The following HDAC5 variants were observed in gnomAD, a reference collection of about 807,000 sequenced individuals.
The protein encoded by HDAC5 is histone deacetylase 5, also known as antigen NY-CO-9.
Under a neutral mutation model 133.3 loss-of-function variants are expected in HDAC5, and 25 were observed. That is an observed-to-expected ratio of 0.19 (90% CI 0.14 to 0.26). The LOEUF is 0.26. Among genes scored for constraint, HDAC5 ranks in the 10% least tolerant of loss-of-function variants. The pLI is 1.00. For synonymous variants in HDAC5, 589 were observed against 610.8 expected, an observed-to-expected ratio of 0.96 and a Z score of 0.53; for missense variants, 1,041 against 1,460.5, an observed-to-expected ratio of 0.71 and a Z score of 4.68.
chr17:44,111,595 A>T (rs769698463), intron 2 of HDAC5: 22 of 517,774 alleles, frequency 4.2e-5, no homozygotes, highest in Non-Finnish European at 6.5e-5. Context: ...GAACAGGTAA[A>T]GGAATTGGAA....
chr17:44,080,750 CCAGGAGCTGTACCTCTT>C lies in HDAC5; in HGVS notation c.2723_2727+12del. ...GGGCCAGGAGGGTCTGCATTTACGC[CCAGGAGCTGTACCTCTT>C]CAGGAGCCCCAGAGCCTGGAAAGAA... On this transcript the variant is annotated splice_donor_variant and splice_donor_5th_base_variant and coding_sequence_variant and intron_variant, in exon 21 of 27. Coordinates refer to ENST00000682912, the MANE Select transcript of HDAC5 (RefSeq NM_005474.5). LOFTEE classifies it high-confidence loss of function. 1 of 1,614,182 alleles carries C rather than the reference CCAGGAGCTGTACCTCTT, an allele frequency of 6.2e-7. No individual in the cohort carries two copies. Among genetic ancestry groups the C allele is most frequent in the Non-Finnish European group, 8.5e-7 (1 of 1,180,020 alleles).
At chr17:44,089,513 G>A (rs1448637451) in intron 11 of HDAC5, among the ~76,000 whole-genome samples, 1 of 152,172 alleles carries the variant, frequency 6.6e-6, no homozygotes, top group African/African-American at 2.4e-5. Flanking sequence ...GGGAGGCCAA[G>A]GCGGGTGGAC....
chr17:44,099,206 T>A (rs2051440376), intron 3 of HDAC5, among the ~76,000 whole-genome samples: 1 of 152,106 alleles, frequency 6.6e-6, no homozygotes, highest in Admixed American at 6.5e-5. Context: ...TGCCAGGACT[T>A]CACTCTGATG....
At chr17:44,116,434 A>G (rs1156653786) in intron 2 of HDAC5, among the ~76,000 whole-genome samples, 1 of 152,198 alleles carries the variant, frequency 6.6e-6, no homozygotes, top group East Asian at 1.9e-4. Flanking sequence ...CAAACCCTAC[A>G]GAAAGGATGA....
rs73308523 is a variant in HDAC5, at chr17:44,092,662, G to T, written c.772+14C>A. 5,543 of 1,526,688 alleles carry T rather than the reference G, an allele frequency of 3.6e-3. 173 individuals are homozygous for T. The African/African-American group carries it at 0.065, about 18-fold the overall frequency. The allele number at this position is 1,526,688 out of a possible 1,614,324, so 94.6% of individuals were successfully genotyped here. ...GAGCCATATTCTGGGAGGCCAGGTG[G>T]GGGACTCACTCACCTGTTTTGCGGA... On this transcript the variant is annotated intron_variant, in intron 7 of 26. Coordinates refer to ENST00000682912, the MANE Select transcript of HDAC5 (RefSeq NM_005474.5).
At chr17:44,086,993 G>A (rs2050685917) in intron 13 of HDAC5, among the ~76,000 whole-genome samples, 1 of 145,966 alleles carries the variant, frequency 6.9e-6, no homozygotes, top group Admixed American at 6.8e-5. Flanking sequence ...GGGCGGGGGC[G>A]GGGTGGGGGC....
Position 44,078,346 on chromosome 17 carries a change from G to T in HDAC5, c.*30C>A. ...AGAAAAAATAAACAAAATCACAATG[G>T]TGAAGCCCAGAGGGATGGGGGCCGG... On this transcript the variant is annotated 3_prime_UTR_variant, in exon 27 of 27. Transcript: ENST00000682912. The T allele has an allele frequency of 6.6e-7, 1 of 1,521,018 alleles. No homozygotes were observed. The allele number at this position is 1,521,018 out of a possible 1,614,324, so 94.2% of individuals were successfully genotyped here.
rs889847690 is a variant in HDAC5 at position 44,092,730 on chromosome 17, G to A, written c.718C>T (p.Leu240=). 3.2e-5 allele frequency: 44 copies of A among 1,364,442 alleles called. No homozygotes were observed. Among genetic ancestry groups the A allele is most frequent in the Non-Finnish European group, 3.9e-5 (41 of 1,038,984 alleles). 84.5% of individuals were successfully genotyped at this position (1,364,442 alleles called of 1,614,324 possible). Residue 240 remains leucine (L), a synonymous_variant, in exon 7 of 27, where the codon CTG becomes TTG. Transcript: ENST00000682912. ...GPPGTPPSYK[L]PLPGPYDSRD... is the part of the protein sequence containing the mutation. Reference sequence around the variant, plus strand: ...CTGTCGTAGGGCCCAGGCAAAGGCAGTTTGTAGGAGGGAGGCGTCCCAGGG... The same window carrying A: ...CTGTCGTAGGGCCCAGGCAAAGGCAATTTGTAGGAGGGAGGCGTCCCAGGG...
In HDAC5 at chr17:44,091,706, G is replaced by A. The variant is rs1225416459; in HGVS notation, c.1158C>T (p.His386=). 1.3e-6 allele frequency: 2 copies of A among 1,565,018 alleles called. No individual in the cohort carries two copies. The highest frequency in any genetic ancestry group is 1.2e-5 in the South Asian group (1 of 82,844). ...LQATVTVTNS[H]LTASPKLSTQ... ...GTATATGCCCTGTACTTACAGTGAG[G>A]TGTGAGTTGGTGACAGTGACCGTGG... is the stretch of plus-strand genomic sequence containing the variant. The change falls in exon 10 of 27, where the codon CAC becomes CAT. Residue 386 remains histidine (H), a synonymous_variant. Transcript: ENST00000682912.
intron 18 of HDAC5, 45 bp downstream of exon 18, chr17:44,083,500 G>T: frequency 7.2e-7 from 1 of 1,395,210 alleles, no homozygotes; most frequent in Non-Finnish European, 1.0e-6. Context: ...CCTCTGAGGA[G>T]CAGGGCCATG....
At chr17:44,094,831 T>C (rs2051170198) in intron 3 of HDAC5, among the ~76,000 whole-genome samples, 1 of 151,996 alleles carries the variant, frequency 6.6e-6, no homozygotes, top group Non-Finnish European at 1.5e-5. Context: ...AGAGACAAGG[T>C]CTTGCTCTGT....
At chr17:44,080,252 C>G (rs754508587) in intron 22 of HDAC5, 27 bp from the exon 23 acceptor site, 1 of 1,599,146 alleles carries the variant, frequency 6.3e-7, no homozygotes, top group African/African-American at 1.3e-5. Flanking sequence ...CAAGCTGAGC[C>G]CGGCAGATGA....
At chr17:44,108,137 T>C (rs1292967727) in intron 3 of HDAC5, among the ~76,000 whole-genome samples, 1 of 152,126 alleles carries the variant, frequency 6.6e-6, no homozygotes, top group African/African-American at 2.4e-5. Context: ...ACCCCATCCA[T>C]CAAGGAAGAC....
At chr17:44,083,717 G>C (rs2050505945) in intron 17 of HDAC5, 65 bp from the exon 18 acceptor site, 1 of 1,580,966 alleles carries the variant, frequency 6.3e-7, no homozygotes, top group South Asian at 1.1e-5. Context: ...AGGGCACCTG[G>C]ACAGTGGGCC....
intron 3 of HDAC5, among the ~76,000 whole-genome samples, chr17:44,102,807 C>G (rs937128066): frequency 1.3e-5 from 2 of 152,026 alleles, no homozygotes. Flanking sequence ...GCTGGGACTA[C>G]AGGCACATGC....
chr17:44,101,424 A>AAAG (rs2051601541), intron 3 of HDAC5, among the ~76,000 whole-genome samples: 1 of 149,032 alleles, frequency 6.7e-6, no homozygotes, highest in Admixed American at 6.7e-5. Flanking sequence ...AAAAAAAAAA[A>AAAG]AAAAAAAGAC....
At chr17:44,112,790 G>A (rs2052423069) in intron 2 of HDAC5, among the ~76,000 whole-genome samples, 2 of 152,220 alleles carry the variant, frequency 1.3e-5, no homozygotes, top group Admixed American at 1.3e-4. Context: ...TATGTTGCCA[G>A]GGGGTACCCA....
Position 44,087,464 on chromosome 17 carries a change from C to T in HDAC5, c.1832G>A (p.Ser611Asn), listed in dbSNP as rs1193476956. 7 of 1,491,092 alleles carry T rather than the reference C, an allele frequency of 4.7e-6. No homozygotes were observed. The highest frequency in any genetic ancestry group is 2.8e-6 in the Non-Finnish European group (3 of 1,068,016). 92.4% of individuals were successfully genotyped at this position (1,491,092 alleles called of 1,614,324 possible). A position where few individuals can be genotyped will look rare whatever the true frequency, so the allele number is the denominator to read the frequency against. Residue 611 changes from serine to asparagine, a missense_variant, in exon 13 of 27, where the codon AGT (serine) becomes AAT (asparagine). By Grantham distance (46) the Ser-to-Asn change is conservative. This residue lies in a region of HDAC5 where 433 missense variants were observed against 531.6 expected (regional missense o/e 0.81). Coordinates refer to ENST00000682912, the MANE Select transcript of HDAC5 (RefSeq NM_005474.5). ...CIQVKDEEGESGAEEGPDLEE... is the reference protein window; with the variant it reads ...CIQVKDEEGENGAEEGPDLEE... ...CAAGTCGGGCCCCTCCTCAGCACCA[C>T]TCTCGCCCTCCTCGTCCTTAACCTG...
chr17:44,077,299 T>A lies in HDAC5; in HGVS notation c.*1077A>T, dbSNP rs1250883009. 6.6e-6 allele frequency: 1 copy of A among 152,656 alleles called. No homozygotes were observed. The highest frequency in any genetic ancestry group is 1.5e-5 in the Non-Finnish European group (1 of 68,130). 9.5% of individuals were successfully genotyped at this position (152,656 alleles called of 1,614,324 possible). ...CAGCCCCCTCCTGGTCTTAGCTCCC[T>A]TGGGCTGGTGGTCAGCAAAGGGAGC... On this transcript the variant is annotated 3_prime_UTR_variant, in exon 27 of 27. Coordinates refer to ENST00000682912, the MANE Select transcript of HDAC5 (RefSeq NM_005474.5).
Sources: gnomAD v4.1 joint callset for allele counts (sites outside exome capture counted in the v4.1 genomes callset) on GRCh38, gnomAD v4.1.1 for gene constraint, gnomAD v4.1.1 regional missense constraint, MANE v1.5 for transcripts, NCBI Gene and HGNC (gene_info 2026-07-23, HGNC 2026-07-21) for gene names.